PAM: variants seen among roughly 807,000 people sequenced by gnomAD.
The protein encoded by PAM is peptidyl-glycine alpha-amidating monooxygenase.
Under a neutral mutation model 122.1 loss-of-function variants are expected in PAM, and 72 were observed. The ratio of observed to expected loss-of-function variants is 0.59; its 90% CI spans 0.49 to 0.72. The LOEUF (loss-of-function observed/expected upper bound fraction) is 0.72. Among genes scored for constraint, PAM ranks in the 30% least tolerant of loss-of-function variants. PAM has a pLI of 0.00. For synonymous variants in PAM, 389 were observed against 404.4 expected (o/e 0.96, Z 0.46); for missense variants, 1,106 against 1,183.7 (o/e 0.93, Z 0.96).
intron 1 of PAM, among the ~76,000 whole-genome samples, chr5:102,855,364 T>A (rs375846414): frequency 6.6e-6 from 1 of 152,308 alleles, no homozygotes; most frequent in African/African-American, 2.4e-5. Flanking sequence ...AAAACTTTTA[T>A]AATAGGAAAG....
chr5:102,787,691 A>G (rs554665864), intron 1 of PAM, among the ~76,000 whole-genome samples: 1 of 152,108 alleles, frequency 6.6e-6, no homozygotes, highest in East Asian at 1.9e-4. Flanking sequence ...GATACTTCCT[A>G]GGGGACCCGT....
intron 1 of PAM, among the ~76,000 whole-genome samples, chr5:102,814,434 A>C (rs955715086): frequency 2.0e-5 from 3 of 151,890 alleles, no homozygotes; most frequent in African/African-American, 7.2e-5. Context: ...TGGTGCACTA[A>C]GTACAATGCA....
chr5:102,969,240 A>T (rs748078299), intron 14 of PAM, among the ~76,000 whole-genome samples: 3 of 152,106 alleles, frequency 2.0e-5, no homozygotes, highest in Non-Finnish European at 2.9e-5. Context: ...AGTATAATAA[A>T]AAATGCCACA....
chr5:103,003,937 G>C (rs1364471077), intron 17 of PAM, among the ~76,000 whole-genome samples: 2 of 151,208 alleles, frequency 1.3e-5, no homozygotes, highest in Non-Finnish European at 1.5e-5. Context: ...GTCTTATTTC[G>C]AGATGGCACT....
intron 7 of PAM, among the ~76,000 whole-genome samples, chr5:102,929,267 T>A (rs553687917): frequency 6.6e-6 from 1 of 152,328 alleles, no homozygotes; most frequent in South Asian, 2.1e-4. Context: ...TAGGAATGTA[T>A]TCTGCTTTCA....
intron 16 of PAM, among the ~76,000 whole-genome samples, chr5:102,994,718 T>C (rs1022640242): frequency 1.3e-5 from 2 of 152,192 alleles, no homozygotes; most frequent in African/African-American, 2.4e-5. Flanking sequence ...TTTAAAAATA[T>C]TGAATTCAGG....
At chr5:102,788,004 A>G (rs545626551) in intron 1 of PAM, among the ~76,000 whole-genome samples, 2 of 152,178 alleles carry the variant, frequency 1.3e-5, no homozygotes, top group East Asian at 3.9e-4. Context: ...TCTGTGAAAA[A>G]TCCTTTGCTA....
At chr5:102,969,780 TG>T (rs1765264638) in intron 14 of PAM, among the ~76,000 whole-genome samples, 1 of 152,168 alleles carries the variant, frequency 6.6e-6, no homozygotes, top group South Asian at 2.1e-4. Flanking sequence ...AAGACAGTTT[TG>T]TAACACCAGT....
At chr5:102,762,820 T>C (rs1210496256) in intron 1 of PAM, among the ~76,000 whole-genome samples, 3 of 152,222 alleles carry the variant, frequency 2.0e-5, no homozygotes, top group Non-Finnish European at 2.9e-5. Flanking sequence ...CCATTTCCTC[T>C]GTGGCCCCTG....
intron 1 of PAM, among the ~76,000 whole-genome samples, chr5:102,836,310 A>G (rs1777010846): frequency 6.6e-6 from 1 of 152,228 alleles, no homozygotes; most frequent in Non-Finnish European, 1.5e-5. Flanking sequence ...GTAATATGCA[A>G]CTGATGTTCT....
intron 1 of PAM, among the ~76,000 whole-genome samples, chr5:102,813,793 T>C (rs906416422): frequency 2.6e-5 from 4 of 152,168 alleles, no homozygotes; most frequent in Admixed American, 2.0e-4. Context: ...TAAAGGGTAC[T>C]CTTTCTGCAG....
intron 1 of PAM, among the ~76,000 whole-genome samples, chr5:102,841,173 A>G (rs1778496680): frequency 6.6e-6 from 1 of 152,172 alleles, no homozygotes; most frequent in South Asian, 2.1e-4. Flanking sequence ...AAATTCAGCT[A>G]TTTAGAATGG....
chr5:102,979,454 T>C (rs1158141325), intron 15 of PAM, among the ~76,000 whole-genome samples: 2 of 152,166 alleles, frequency 1.3e-5, no homozygotes, highest in Non-Finnish European at 2.9e-5. Context: ...AAATAAGACA[T>C]CCTTTTCTCA....
chr5:103,022,233 T>TAA (rs142082103), intron 23 of PAM, among the ~76,000 whole-genome samples: 10 of 146,934 alleles, frequency 6.8e-5, no homozygotes, highest in Non-Finnish European at 6.0e-5. Flanking sequence ...GGAAACACAT[T>TAA]AAAAAAAAAA....
At chr5:102,988,143 C>T (rs535856507) in intron 15 of PAM, among the ~76,000 whole-genome samples, 2 of 152,300 alleles carry the variant, frequency 1.3e-5, no homozygotes, top group East Asian at 3.9e-4. Flanking sequence ...ACACACGTAT[C>T]CTTTCCTGAT....
At chr5:102,787,306 C>A (rs1760797867) in intron 1 of PAM, among the ~76,000 whole-genome samples, 1 of 152,012 alleles carries the variant, frequency 6.6e-6, no homozygotes. Flanking sequence ...CATGTTCCAG[C>A]CATGTTCTAA....
At chr5:102,957,676 G>C (rs1898673) in intron 12 of PAM, among the ~76,000 whole-genome samples, 43,551 of 151,810 alleles carry the variant, frequency 0.29, 6,530 homozygotes, top group East Asian at 0.43. Flanking sequence ...ATTACAGGCA[G>C]CTGCCACTGC....
intron 7 of PAM, among the ~76,000 whole-genome samples, chr5:102,945,869 T>C (rs890367131): frequency 6.6e-6 from 1 of 152,188 alleles, no homozygotes; most frequent in Admixed American, 6.6e-5. Flanking sequence ...AATGCTTTTA[T>C]GATGATGCAT....
At chr5:102,875,403 A>G (rs1344955435) in intron 3 of PAM, among the ~76,000 whole-genome samples, 1 of 152,080 alleles carries the variant, frequency 6.6e-6, no homozygotes, top group South Asian at 2.1e-4. Flanking sequence ...TGTGTTTCCC[A>G]GGCTGGTATC....
Sources: allele counts gnomAD v4.1 joint callset (sites outside exome capture counted in the v4.1 genomes callset), GRCh38; gene constraint gnomAD v4.1.1; transcripts MANE v1.5; gene names NCBI Gene and HGNC (gene_info 2026-07-23, HGNC 2026-07-21).